PDE4D: variants seen among roughly 807,000 people sequenced by gnomAD.
PDE4D encodes 3',5'-cyclic-AMP phosphodiesterase 4D.
In PDE4D, 24 loss-of-function variants were observed where a neutral mutation model predicts 87.4. The observed-to-expected ratio is 0.27, with a 90% confidence interval of 0.20 to 0.39. PDE4D has a LOEUF of 0.39. Among genes scored for constraint, PDE4D ranks in the 10% least tolerant of loss-of-function variants. The pLI is 1.00. For synonymous variants in PDE4D, 384 were observed against 383.2 expected (o/e 1.00, Z -0.02); for missense variants, 714 against 1,041.0 (o/e 0.69, Z 4.32).
At chr5:59,616,945 A>ATATATATATATATATC (rs936160133) in intron 1 of PDE4D, among the ~76,000 whole-genome samples, 153 of 137,244 alleles carry the variant, frequency 1.1e-3, no homozygotes, top group Non-Finnish European at 2.0e-3. Flanking sequence ...ATATATATAT[A>ATATATATATATATATC]TCTCCAAGAT....
intron 1 of PDE4D, among the ~76,000 whole-genome samples, chr5:59,544,689 A>G (rs909669317): frequency 5.9e-5 from 9 of 152,182 alleles, no homozygotes; most frequent in Admixed American, 5.9e-4. Flanking sequence ...AGCTCTCTCC[A>G]CAGTGAGTAG....
chr5:59,132,020 T>C (rs544942765), intron 5 of PDE4D, among the ~76,000 whole-genome samples: 1 of 152,252 alleles, frequency 6.6e-6, no homozygotes, highest in South Asian at 2.1e-4. Context: ...TTTCTGATAG[T>C]TCCCACAACT....
intron 1 of PDE4D, among the ~76,000 whole-genome samples, chr5:59,516,185 C>T (rs957302391): frequency 2.6e-5 from 4 of 152,154 alleles, no homozygotes; most frequent in Admixed American, 6.5e-5. Flanking sequence ...TAAAGGGGAG[C>T]ATCTTCTAGG....
intron 1 of PDE4D, among the ~76,000 whole-genome samples, chr5:59,582,340 T>C (rs919934757): frequency 3.3e-5 from 5 of 152,138 alleles, no homozygotes; most frequent in African/African-American, 4.8e-5. Context: ...TCAGAACACA[T>C]ACTCTGGAAA....
chr5:60,389,487 G>C (rs1399090016), intron 1 of PDE4D, among the ~76,000 whole-genome samples: 1 of 152,152 alleles, frequency 6.6e-6, no homozygotes, highest in Non-Finnish European at 1.5e-5. Flanking sequence ...AATGCACCCT[G>C]TTACAATCGT....
rs114130377 is a variant in PDE4D, at chr5:59,476,954, T to A, written c.456-260986A>T. Among the ~76,000 whole-genome samples the A allele has an allele frequency of 5.2e-3, 787 of 152,100 alleles. 11 individuals are homozygous for A. Among genetic ancestry groups the A allele is most frequent in the African/African-American group, 0.017 (704 of 41,516 alleles). ...GGTAATTGAATCTCATAAGTTTCAA[T>A]AATTTATAAGAAAATATCCAGAGAT... On this transcript the variant is annotated intron_variant, in intron 1 of 14. Transcript: ENST00000340635.
intron 1 of PDE4D, among the ~76,000 whole-genome samples, chr5:59,837,147 T>A (rs1742247873): frequency 6.6e-6 from 1 of 152,062 alleles, no homozygotes; most frequent in African/African-American, 2.4e-5. Context: ...TTCCCTAAAT[T>A]ACACACTTAT....
chr5:60,151,621 TTTGC>T (rs1781511368), intron 2 of PDE4D, among the ~76,000 whole-genome samples: 1 of 152,194 alleles, frequency 6.6e-6, no homozygotes, highest in Non-Finnish European at 1.5e-5. Context: ...GTTTACTGAA[TTTGC>T]TTGTTTCAAC....
intron 3 of PDE4D, among the ~76,000 whole-genome samples, chr5:59,910,260 A>G (rs1387902926): frequency 3.3e-5 from 5 of 152,186 alleles, no homozygotes; most frequent in Admixed American, 3.3e-4. Context: ...TTTGTATTCA[A>G]CTATTCTCCT....
At chr5:59,178,854 G>A (rs550040737) in intron 5 of PDE4D, among the ~76,000 whole-genome samples, 2 of 152,086 alleles carry the variant, frequency 1.3e-5, no homozygotes, top group African/African-American at 4.8e-5. Flanking sequence ...CTCTTGATAG[G>A]GGTCAGATTT....
At chr5:60,043,126 C>T (rs570847479) in intron 2 of PDE4D, among the ~76,000 whole-genome samples, 1 of 151,714 alleles carries the variant, frequency 6.6e-6, no homozygotes, top group East Asian at 2.0e-4. Context: ...CTGAAAAACC[C>T]AGCACAAGAA....
intron 1 of PDE4D, among the ~76,000 whole-genome samples, chr5:59,299,582 G>C (rs570469673): frequency 7.2e-5 from 11 of 152,184 alleles, no homozygotes; most frequent in Non-Finnish European, 1.6e-4. Flanking sequence ...ATTAGGCCTA[G>C]AAAATATACA....
chr5:59,198,323 G>A (rs970098861), intron 2 of PDE4D, among the ~76,000 whole-genome samples: 12 of 152,308 alleles, frequency 7.9e-5, no homozygotes, highest in African/African-American at 2.2e-4. Context: ...ATGTATGTAT[G>A]TATGCACACA....
At position 59,574,050 on chromosome 5, in the gene PDE4D, T is replaced by A. The variant is rs530284; in HGVS notation, c.455+319118A>T. Among the ~76,000 whole-genome samples, 24 of 79,216 alleles carry A rather than the reference T, an allele frequency of 3.0e-4. 1 individual carries two copies. The highest frequency in any genetic ancestry group is 1.2e-3 in the African/African-American group (20 of 17,344). 52.0% of individuals were successfully genotyped at this position (79,216 alleles called of 152,430 possible). ...TATAAAAATATATATTTATATATAT[T>A]TATATATAAAAATATATATATTTAT... On this transcript the variant is annotated intron_variant, in intron 1 of 14. Coordinates refer to ENST00000340635, the MANE Select transcript of PDE4D (RefSeq NM_001104631.2).
intron 1 of PDE4D, among the ~76,000 whole-genome samples, chr5:60,331,027 G>A (rs1253619554): frequency 1.3e-5 from 2 of 152,178 alleles, no homozygotes; most frequent in African/African-American, 4.8e-5. Flanking sequence ...ACTAGTAAAG[G>A]TGAATAAATG....
intron 2 of PDE4D, among the ~76,000 whole-genome samples, chr5:60,085,381 C>T (rs549678030): frequency 6.4e-4 from 98 of 152,236 alleles, no homozygotes; most frequent in African/African-American, 2.3e-3. Context: ...ATGATTCTTG[C>T]GAAGCCCCTC....
chr5:59,070,957 C>G (rs1297583907), intron 5 of PDE4D, among the ~76,000 whole-genome samples: 41 of 152,068 alleles, frequency 2.7e-4, no homozygotes, highest in Non-Finnish European at 1.5e-5. Context: ...AGAGTTTATT[C>G]CCTTGTTTTG....
chr5:58,995,851 G>A (rs1000346200), intron 6 of PDE4D, among the ~76,000 whole-genome samples: 2 of 152,124 alleles, frequency 1.3e-5, no homozygotes, highest in African/African-American at 4.8e-5. Context: ...GCATACACAG[G>A]TTTAAAAAAC....
intron 1 of PDE4D, among the ~76,000 whole-genome samples, chr5:59,372,572 C>T (rs888460062): frequency 3.3e-5 from 5 of 152,148 alleles, no homozygotes; most frequent in Admixed American, 3.3e-4. Context: ...GTGAATCCTC[C>T]CCTACCCTGA....
Sources: allele counts gnomAD v4.1 joint callset (sites outside exome capture counted in the v4.1 genomes callset), GRCh38; gene constraint gnomAD v4.1.1; transcripts MANE v1.5; gene names NCBI Gene and HGNC (gene_info 2026-07-23, HGNC 2026-07-21).